Variants in MEGF11 observed in about 807,000 individuals in gnomAD.
MEGF11 encodes the protein multiple EGF like domains 11.
In MEGF11, 126 loss-of-function variants were observed where a neutral mutation model predicts 146.6. The observed-to-expected ratio is 0.86, with a 90% CI of 0.74 to 1.00. The LOEUF (loss-of-function observed/expected upper bound fraction) is 1.00, where lower values mean the gene tolerates loss of function less well. Ranked by LOEUF, MEGF11 falls within the 50% of genes least tolerant of loss-of-function variation. The pLI is 0.00. For synonymous variants in MEGF11, 532 were observed against 583.4 expected (o/e 0.91, Z 1.27); for missense variants, 1,509 against 1,521.2 (o/e 0.99, Z 0.13).
rs115133101 is a variant in MEGF11 at position 66,129,354 on chromosome 15, T to C, written c.-8-943A>G. Among the ~76,000 whole-genome samples the C allele has an allele frequency of 3.4e-3, 514 of 152,336 alleles. 3 individuals are homozygous for C. The highest frequency in any genetic ancestry group is 0.012 in the African/African-American group (498 of 41,576). ...CTGACCTTGAGGGGTGCAGAGGAGC[T>C]GGAAATCACACGCACCCAAACATCA... On this transcript the variant is annotated intron_variant, in intron 1 of 25. Coordinates refer to ENST00000395614, the MANE Select transcript of MEGF11 (RefSeq NM_001385028.1).
intron 1 of MEGF11, among the ~76,000 whole-genome samples, chr15:66,181,407 C>A (rs1036960458): frequency 6.6e-6 from 1 of 152,128 alleles, no homozygotes; most frequent in Non-Finnish European, 1.5e-5. Context: ...GATTTATGCA[C>A]ACTTGAATGC....
chr15:65,942,346 G>A (rs1370271357), intron 10 of MEGF11, among the ~76,000 whole-genome samples: 2 of 152,186 alleles, frequency 1.3e-5, no homozygotes, highest in Non-Finnish European at 2.9e-5. Context: ...ATGGCTTATG[G>A]GGGCTTATGG....
intron 1 of MEGF11, among the ~76,000 whole-genome samples, chr15:66,248,989 C>G (rs2140265042): frequency 6.6e-6 from 1 of 152,290 alleles, no homozygotes; most frequent in East Asian, 1.9e-4. Flanking sequence ...TTTTATGGTT[C>G]TTTTCTTTTG....
intron 5 of MEGF11, among the ~76,000 whole-genome samples, chr15:66,044,323 C>A (rs1012728256): frequency 2.0e-5 from 3 of 152,184 alleles, no homozygotes; most frequent in Non-Finnish European, 4.4e-5. Context: ...GAATTGTGAT[C>A]ATTTCATCCA....
chr15:66,030,743 C>T (rs1288940886), intron 5 of MEGF11, among the ~76,000 whole-genome samples: 1 of 152,142 alleles, frequency 6.6e-6, no homozygotes, highest in African/African-American at 2.4e-5. Context: ...TTTGGAGCCC[C>T]TGCAGTGTCA....
At chr15:66,137,204 G>A (rs1398224204) in intron 1 of MEGF11, among the ~76,000 whole-genome samples, 1 of 152,178 alleles carries the variant, frequency 6.6e-6, no homozygotes, top group Non-Finnish European at 1.5e-5. Context: ...AATAATATTG[G>A]TCATCTTTTG....
At chr15:65,977,025 C>T (rs1010313169) in intron 7 of MEGF11, among the ~76,000 whole-genome samples, 8 of 151,912 alleles carry the variant, frequency 5.3e-5, no homozygotes, top group Non-Finnish European at 1.0e-4. Context: ...AAAAGTTAGC[C>T]GGGCGTGATG....
chr15:66,130,415 C>G (rs1219377856), intron 1 of MEGF11, among the ~76,000 whole-genome samples: 1 of 152,158 alleles, frequency 6.6e-6, no homozygotes, highest in Non-Finnish European at 1.5e-5. Flanking sequence ...TAATCTCCAG[C>G]ATTCTCCCGA....
intron 1 of MEGF11, among the ~76,000 whole-genome samples, chr15:66,151,016 G>A (rs1274881693): frequency 6.6e-6 from 1 of 152,308 alleles, no homozygotes; most frequent in East Asian, 1.9e-4. Context: ...AGGAAGGAAT[G>A]TCAAGGGACA....
intron 1 of MEGF11, among the ~76,000 whole-genome samples, chr15:66,141,289 T>TGTGAGAGA (rs1555475806): frequency 4.9e-5 from 5 of 101,250 alleles, no homozygotes; most frequent in African/African-American, 1.2e-4. Flanking sequence ...TGTGTGTGTG[T>TGTGAGAGA]GAGAGAGAGA....
In MEGF11 at chr15:66,190,175, G is replaced by A. The variant is rs190396395; in HGVS notation, c.-8-61764C>T. Among the ~76,000 whole-genome samples the A allele has an allele frequency of 3.8e-4, 58 of 152,270 alleles. No homozygotes were observed. The South Asian group carries it at 5.6e-3, about 15-fold the overall frequency. On this transcript the variant is annotated intron_variant, in intron 1 of 25. Transcript: ENST00000395614. ...TGCAGCCACAGTTAAGGACTTCTGC[G>A]CTAATCTGTCTCCATTAGGATACAA... is the stretch of plus-strand genomic sequence containing the variant.
chr15:66,101,474 C>A (rs1387560254), intron 4 of MEGF11, among the ~76,000 whole-genome samples: 1 of 152,110 alleles, frequency 6.6e-6, no homozygotes, highest in East Asian at 1.9e-4. Flanking sequence ...ACTGCCCACC[C>A]ACTCCCCACA....
chr15:65,996,025 G>T (rs545526235), intron 5 of MEGF11, among the ~76,000 whole-genome samples: 2 of 152,238 alleles, frequency 1.3e-5, no homozygotes, highest in Admixed American at 1.3e-4. Context: ...AGAGTCCTGG[G>T]GAAGCCTCCA....
intron 1 of MEGF11, among the ~76,000 whole-genome samples, chr15:66,155,768 T>C (rs1191400730): frequency 6.6e-6 from 1 of 152,232 alleles, no homozygotes; most frequent in East Asian, 1.9e-4. Context: ...CAGGAAATTC[T>C]GTCAGCTCAA....
At position 65,934,470 on chromosome 15, in the gene MEGF11, C is replaced by T. The variant is rs568032738; in HGVS notation, c.1288-3527G>A. Among the ~76,000 whole-genome samples the T allele has an allele frequency of 4.6e-5, 7 of 152,236 alleles. No homozygotes were observed. In the South Asian group the frequency reaches 6.2e-4, roughly 14 times the overall value. On this transcript the variant is annotated intron_variant, in intron 10 of 25. Transcript: ENST00000395614. ...TTCTCCATGTTGGTCAGGCTGGTCT[C>T]GAACTCCCGACCTCAGGTGATCCAC... is the stretch of plus-strand genomic sequence containing the variant.
intron 5 of MEGF11, among the ~76,000 whole-genome samples, chr15:66,066,842 G>A (rs2085148836): frequency 6.6e-6 from 1 of 152,230 alleles, no homozygotes; most frequent in Non-Finnish European, 1.5e-5. Context: ...GGAGGGTGGG[G>A]TCAGATGATG....
At chr15:66,105,951 C>T (rs1028584440) in intron 4 of MEGF11, among the ~76,000 whole-genome samples, 4 of 152,150 alleles carry the variant, frequency 2.6e-5, no homozygotes, top group East Asian at 3.9e-4. Flanking sequence ...CCTCTCTTTC[C>T]AGCCAATGCA....
At chr15:65,998,036 G>C (rs746990570) in intron 5 of MEGF11, among the ~76,000 whole-genome samples, 2 of 152,134 alleles carry the variant, frequency 1.3e-5, no homozygotes, top group African/African-American at 2.4e-5. Flanking sequence ...CAGGGGTGGG[G>C]GGCACTGTGA....
At chr15:65,903,550 C>T (rs557742464) in intron 24 of MEGF11, among the ~76,000 whole-genome samples, 1 of 152,266 alleles carries the variant, frequency 6.6e-6, no homozygotes, top group South Asian at 2.1e-4. Context: ...GTGGAAGAAA[C>T]CAAGACCCAG....
Sources: allele counts gnomAD v4.1 joint callset (sites outside exome capture counted in the v4.1 genomes callset), GRCh38; gene constraint gnomAD v4.1.1; transcripts MANE v1.5; gene names NCBI Gene and HGNC (gene_info 2026-07-23, HGNC 2026-07-21).